DNAH9: variants seen among roughly 807,000 people sequenced by gnomAD.
DNAH9 encodes dynein axonemal heavy chain 9.
A neutral mutation model predicts 471.6 loss-of-function variants in DNAH9; 345 were observed. The ratio of observed to expected loss-of-function variants is 0.73; its 90% CI spans 0.67 to 0.80. The LOEUF (loss-of-function observed/expected upper bound fraction) is 0.80, where lower values mean the gene tolerates loss of function less well. DNAH9 is among the 30% of genes least tolerant of loss of function. The probability of loss-of-function intolerance (pLI) is 0.00; values close to 1 mark genes in which losing one functional copy is unlikely to be tolerated. For synonymous variants in DNAH9, 2,093 were observed against 2,123.6 expected (o/e 0.99, Z 0.40); for missense variants, 5,407 against 5,609.2 (o/e 0.96, Z 1.15).
chr17:11,763,695 C>A, intron 36 of DNAH9, 81 bp downstream of exon 36: 5 of 1,341,610 alleles, frequency 3.7e-6, no homozygotes, highest in African/African-American at 2.9e-5. Flanking sequence ...ATTTGGAAGA[C>A]AGGACAGCTA....
At chr17:11,710,965 T>C (rs1454575856) in intron 26 of DNAH9, among the ~76,000 whole-genome samples, 1 of 152,158 alleles carries the variant, frequency 6.6e-6, no homozygotes, top group African/African-American at 2.4e-5. Context: ...GATATCAGGG[T>C]TTAAACTCTC....
At chr17:11,700,348 C>T (rs1342313795) in intron 23 of DNAH9, among the ~76,000 whole-genome samples, 1 of 152,108 alleles carries the variant, frequency 6.6e-6, no homozygotes, top group African/African-American at 2.4e-5. Flanking sequence ...GTGTCACTTC[C>T]TCCCACAGCC....
chr17:11,757,715 T>C (rs760763900), intron 35 of DNAH9, 23 bp downstream of exon 35: 2 of 1,612,286 alleles, frequency 1.2e-6, no homozygotes, highest in East Asian at 2.2e-5. Context: ...ACAAGGAAGA[T>C]AGAGAGTTAA....
rs760097399 is a variant in DNAH9 at position 11,747,678 on chromosome 17, C to T, written c.6522C>T (p.Arg2174=). 2.5e-6 allele frequency: 4 copies of T among 1,614,144 alleles called. No homozygotes were observed. Among genetic ancestry groups the T allele is most frequent in the Non-Finnish European group, 3.4e-6 (4 of 1,180,018 alleles). The change falls in exon 32 of 69, where the codon CGC becomes CGT. Residue 2174 remains arginine (R), a synonymous_variant. Transcript: ENST00000262442. ...AGACCTATCAGATCATGAAACGGCG[C>T]CCCGTCTGGACTGACCTCAATCCCA... is the stretch of plus-strand genomic sequence containing the variant. ...LHKTYQIMKR[R]PVWTDLNPKA...
rs1456093387 is a variant in DNAH9 at position 11,923,920 on chromosome 17, A to T, written c.11856A>T (p.Lys3952Asn). The T allele has an allele frequency of 7.4e-6, 12 of 1,613,850 alleles. No homozygotes were observed. The highest frequency in any genetic ancestry group is 1.0e-5 in the Non-Finnish European group (12 of 1,179,930). ...CTGCGCTGGACCTCGCTGCCAAGAAAGGTCACTGGGTTATTTTGCAGGTAT... is the reference window on the plus strand; with the variant it reads ...CTGCGCTGGACCTCGCTGCCAAGAATGGTCACTGGGTTATTTTGCAGGTAT... ...AEAALDLAAK[K>N]GHWVILQNIH... The change falls in exon 62 of 69, where the codon AAA becomes AAT. Residue 3952 changes from lysine to asparagine, a missense_variant. Physicochemically the swap from Lys to Asn is moderately conservative, Grantham distance 94. This residue lies in a region of DNAH9 where 4,636 missense variants were observed against 4,900.3 expected (regional missense o/e 0.95). Coordinates refer to ENST00000262442, the MANE Select transcript of DNAH9 (RefSeq NM_001372.4).
Position 11,940,254 on chromosome 17 carries a change from G to A in DNAH9, c.12661-2049G>A, listed in dbSNP as rs373941109. ...TGAGCAAAAGAGGGGCCCCGCATAC[G>A]TCTGTGGACCTGGGTCCTTCCCTAT... is the stretch of plus-strand genomic sequence containing the variant. On this transcript the variant is annotated intron_variant, in intron 66 of 68. Coordinates refer to ENST00000262442, the MANE Select transcript of DNAH9 (RefSeq NM_001372.4). Among the ~76,000 whole-genome samples the A allele has an allele frequency of 5.4e-4, 82 of 152,294 alleles. 1 individual carries two copies. The East Asian group carries it at 0.011, about 21-fold the overall frequency.
At chr17:11,774,928 ATATT>A (rs914160647) in intron 38 of DNAH9, among the ~76,000 whole-genome samples, 6 of 149,916 alleles carry the variant, frequency 4.0e-5, no homozygotes, top group South Asian at 2.1e-4. Context: ...ACATTTCAAA[ATATT>A]TATACATCAT....
In DNAH9 at chr17:11,610,508, G is replaced by C; in HGVS notation, c.727G>C (p.Gly243Arg). 6.2e-7 allele frequency: 1 copy of C among 1,613,366 alleles called. No homozygotes were observed. The highest frequency in any genetic ancestry group is 8.5e-7 in the Non-Finnish European group (1 of 1,180,016). ...KRESSQPLLQGENPTPKVELE... is the reference protein window; with the variant it reads ...KRESSQPLLQRENPTPKVELE... Reference sequence around the variant, plus strand: ...AGAGTCTTCCCAGCCACTCTTACAAGGGGAGAATCCCACCCCTAAGGTGGA... The same window carrying C: ...AGAGTCTTCCCAGCCACTCTTACAACGGGAGAATCCCACCCCTAAGGTGGA... Residue 243 changes from glycine to arginine, a missense_variant, in exon 3 of 69, where the codon GGG (glycine) becomes CGG (arginine). Around this residue, in one of 3 missense-constraint regions of DNAH9, gnomAD observed 767 missense variants for 692.5 expected, o/e 1.11. Coordinates refer to ENST00000262442, the MANE Select transcript of DNAH9 (RefSeq NM_001372.4).
intron 59 of DNAH9, among the ~76,000 whole-genome samples, chr17:11,901,351 C>T (rs1021666087): frequency 6.6e-6 from 1 of 152,196 alleles, no homozygotes; most frequent in African/African-American, 2.4e-5. Flanking sequence ...TCTTTGGCTT[C>T]CCCGGGCCAC....
intron 61 of DNAH9, among the ~76,000 whole-genome samples, chr17:11,907,403 G>C (rs1046748454): frequency 2.6e-5 from 4 of 151,586 alleles, no homozygotes; most frequent in Non-Finnish European, 5.9e-5. Context: ...CCAGGAGTCA[G>C]AGGTTGCAGT....
chr17:11,865,272 C>T (rs1972002546), intron 50 of DNAH9, among the ~76,000 whole-genome samples: 1 of 152,024 alleles, frequency 6.6e-6, no homozygotes, highest in African/African-American at 2.4e-5. Flanking sequence ...TTCTCCTTCA[C>T]TTATGAAGCT....
chr17:11,935,373 ATTTTT>A (rs140943753), intron 65 of DNAH9, among the ~76,000 whole-genome samples: 3 of 140,326 alleles, frequency 2.1e-5, no homozygotes, highest in Non-Finnish European at 3.1e-5. Flanking sequence ...ATTCCAAAAG[ATTTTT>A]TTTTTTTTTT....
Position 11,636,785 on chromosome 17 carries a change from G to C in DNAH9, c.1786+1G>C. The C allele has an allele frequency of 1.2e-6, 2 of 1,613,722 alleles. No homozygotes were observed. Among genetic ancestry groups the C allele is most frequent in the East Asian group, 4.5e-5 (2 of 44,878 alleles). On this transcript the variant is annotated splice_donor_variant, in intron 9 of 68. Transcript: ENST00000262442. LOFTEE classifies it high-confidence loss of function. The stretch of plus-strand genomic sequence containing the variant: ...CACGTCCAGGAGGAAGCAGAACTTG[G>C]TAGGCTTGTTAAAGGGGATTTTGAT...
rs763030100 is a variant in DNAH9, at chr17:11,744,929, A to T, written c.6244A>T (p.Ile2082Phe). 3.1e-6 allele frequency: 5 copies of T among 1,614,070 alleles called. No individual in the cohort carries two copies. Among genetic ancestry groups the T allele is most frequent in the Non-Finnish European group, 3.4e-6 (4 of 1,180,042 alleles). The change falls in exon 31 of 69, where the codon ATT becomes TTT. Residue 2082 changes from isoleucine (I) to phenylalanine (F), a missense_variant. This residue lies in a region of DNAH9 where 4,636 missense variants were observed against 4,900.3 expected (regional missense o/e 0.95). Transcript: ENST00000262442. Reference protein sequence around the residue: ...RSLRDFNIPKIVTDDMPIFMG... With the variant: ...RSLRDFNIPKFVTDDMPIFMG... ...CTTGCGGGATTTCAACATCCCCAAG[A>T]TTGTGACTGATGACATGCCCATCTT... is the stretch of plus-strand genomic sequence containing the variant.
At chr17:11,760,558 C>T (rs886222980) in intron 35 of DNAH9, among the ~76,000 whole-genome samples, 14 of 151,476 alleles carry the variant, frequency 9.2e-5, no homozygotes, top group Non-Finnish European at 5.9e-5. Flanking sequence ...CTTGCTCTGT[C>T]GCCCAGGCTG....
intron 61 of DNAH9, among the ~76,000 whole-genome samples, chr17:11,920,658 T>C (rs536571823): frequency 6.8e-6 from 1 of 146,698 alleles, no homozygotes; most frequent in South Asian, 2.2e-4. Flanking sequence ...GAAAGAAAGA[T>C]GAGGAAACAT....
rs770182831 is a variant in DNAH9, at chr17:11,962,012, A to C, written c.12989A>C (p.Glu4330Ala). Reference protein sequence around the residue: ...WFPDLLNRIKELEAWTGDFTM... With the variant: ...WFPDLLNRIKALEAWTGDFTM... Reference sequence around the variant, plus strand: ...CCAGACCTCCTCAACAGAATCAAGGAGCTAGAGGCTTGGACGGGTGACTTT... The same window carrying C: ...CCAGACCTCCTCAACAGAATCAAGGCGCTAGAGGCTTGGACGGGTGACTTT... Residue 4330 changes from glutamate (E) to alanine (A), a missense_variant, in exon 68 of 69, where the codon GAG becomes GCG. Glu to Ala is a moderately radical substitution (Grantham distance 107, BLOSUM62 -1). This residue lies in a region of DNAH9 where 4,636 missense variants were observed against 4,900.3 expected (regional missense o/e 0.95). Coordinates refer to ENST00000262442, the MANE Select transcript of DNAH9 (RefSeq NM_001372.4). This position sits in a 1 kb window ranked among gnomAD's most constrained non-coding sequence, Gnocchi z 4.1. 6.2e-7 allele frequency: 1 copy of C among 1,614,138 alleles called. No individual in the cohort carries two copies. The highest frequency in any genetic ancestry group is 2.2e-5 in the East Asian group (1 of 44,860).
rs1055550212 is a variant in DNAH9, at chr17:11,781,534, A to G, written c.7718+360A>G. Among the ~76,000 whole-genome samples, 6 of 152,308 alleles carry G rather than the reference A, an allele frequency of 3.9e-5. No individual in the cohort carries two copies. In the East Asian group the frequency reaches 5.8e-4, roughly 15 times the overall value. On this transcript the variant is annotated intron_variant, in intron 39 of 68. Coordinates refer to ENST00000262442, the MANE Select transcript of DNAH9 (RefSeq NM_001372.4). ...CCCACAGCACTGGGCATGTGCTTCA[A>G]TGATAACACCTAACACACGCCAGGT... is the stretch of plus-strand genomic sequence containing the variant.
chr17:11,598,655 G>A lies in DNAH9; in HGVS notation c.157G>A (p.Glu53Lys), dbSNP rs1429804314. Residue 53 changes from glutamate to lysine, a missense_variant, in exon 1 of 69, where the codon GAG (glutamate) becomes AAG (lysine). Glu to Lys is a moderately conservative substitution (Grantham distance 56). Coordinates refer to ENST00000262442, the MANE Select transcript of DNAH9 (RefSeq NM_001372.4). Reference sequence around the variant, plus strand: ...GCGTTGCGCGGGGAGTGCTGAGGCGGAGCAGCTGCTCCAGGCCTTCCTGGG... The same window carrying A: ...GCGTTGCGCGGGGAGTGCTGAGGCGAAGCAGCTGCTCCAGGCCTTCCTGGG... Reference protein sequence around the residue: ...WERCAGSAEAEQLLQAFLGRD... With the variant: ...WERCAGSAEAKQLLQAFLGRD... 2.2e-6 allele frequency: 3 copies of A among 1,356,262 alleles called. No homozygotes were observed. The highest frequency in any genetic ancestry group is 3.1e-5 in the East Asian group (1 of 32,118). 84.0% of individuals were successfully genotyped at this position (1,356,262 alleles called of 1,614,324 possible).
Sources: allele counts gnomAD v4.1 joint callset (sites outside exome capture counted in the v4.1 genomes callset), GRCh38; gene constraint gnomAD v4.1.1; regional missense constraint gnomAD v4.1.1; non-coding constraint Gnocchi (gnomAD v3.1); transcripts MANE v1.5; gene names NCBI Gene and HGNC (gene_info 2026-07-23, HGNC 2026-07-21).